RRAGD: variants seen among roughly 807,000 people sequenced by gnomAD.
RRAGD encodes the protein Ras related GTP binding D.
Under a neutral mutation model 35.5 loss-of-function variants are expected in RRAGD, and 12 were observed. The ratio of observed to expected loss-of-function variants is 0.34; its 90% confidence interval spans 0.22 to 0.55. The LOEUF (loss-of-function observed/expected upper bound fraction) is 0.55. RRAGD is among the 20% of genes least tolerant of loss of function. The pLI is 0.91. For synonymous variants in RRAGD, 155 were observed against 178.9 expected (o/e 0.87, Z 1.07); for missense variants, 324 against 490.1 (o/e 0.66, Z 3.20).
At position 89,411,773 on chromosome 6, in the gene RRAGD, C is replaced by A. The variant is rs1322067624; in HGVS notation, c.148+73G>T. On this transcript the variant is annotated intron_variant, in intron 1 of 6. Transcript: ENST00000369415. The surrounding 1 kb of genome is among the most constrained non-coding windows in gnomAD (Gnocchi z 5.6). ...CTCCAAGTCGGTGGCTCGCGCACGG[C>A]CGGGCTGGGGGCGGGAAGGCGCCAA... 2.7e-6 allele frequency: 4 copies of A among 1,473,176 alleles called. No homozygotes were observed. Among genetic ancestry groups the A allele is most frequent in the Admixed American group, 2.1e-5 (1 of 48,228 alleles). The allele number at this position is 1,473,176 out of a possible 1,614,324, so 91.3% of individuals were successfully genotyped here. A position where few individuals can be genotyped will look rare whatever the true frequency, so the allele number is the denominator to read the frequency against.
intron 6 of RRAGD, among the ~76,000 whole-genome samples, chr6:89,368,525 A>C (rs917237434): frequency 2.6e-5 from 4 of 152,212 alleles, no homozygotes; most frequent in Non-Finnish European, 4.4e-5. Flanking sequence ...TTTCAGAATT[A>C]AAGATTTCTT....
At chr6:89,377,630 A>T in intron 5 of RRAGD, 41 bp downstream of exon 5, 2 of 1,491,882 alleles carry the variant, frequency 1.3e-6, no homozygotes, top group Non-Finnish European at 1.8e-6. Flanking sequence ...GTTATGAAGG[A>T]AGGATGGCTT....
chr6:89,407,621 AAC>A (rs2127899609), intron 1 of RRAGD, among the ~76,000 whole-genome samples: 1 of 152,326 alleles, frequency 6.6e-6, no homozygotes, highest in East Asian at 1.9e-4. Flanking sequence ...CAGCCTGGGC[AAC>A]AGAGTGAGGC....
rs1768870123 is a variant in RRAGD at position 89,372,432 on chromosome 6, G to A, written c.1051+5C>T. ...TGCTTCTTTTAAATCACACCAAAAA[G>A]TTACCTTTTCTTTCAAAGCTTTCCT... On this transcript the variant is annotated splice_donor_5th_base_variant and intron_variant, in intron 6 of 6. Coordinates refer to ENST00000369415, the MANE Select transcript of RRAGD (RefSeq NM_021244.5). The A allele has an allele frequency of 6.2e-7, 1 of 1,609,236 alleles. No individual in the cohort carries two copies. The highest frequency in any genetic ancestry group is 8.5e-7 in the Non-Finnish European group (1 of 1,177,456).
At chr6:89,372,335 T>C in intron 6 of RRAGD, 102 bp downstream of exon 6, 1 of 1,285,358 alleles carries the variant, frequency 7.8e-7, no homozygotes, top group South Asian at 1.5e-5. Flanking sequence ...TCTGGAAGTT[T>C]CGAGGGCTAT....
In RRAGD at chr6:89,411,040, T is replaced by TC. The variant is rs1383541717; in HGVS notation, c.148+805dup. On this transcript the variant is annotated intron_variant, in intron 1 of 6. Coordinates refer to ENST00000369415, the MANE Select transcript of RRAGD (RefSeq NM_021244.5). The surrounding 1 kb of genome is among the most constrained non-coding windows in gnomAD (Gnocchi z 5.6). ...ACCTCTCTGGAATACTAAAAGGCTC[T>TC]CAACTTCCTTACACCTTAAGAAAAT... is the stretch of plus-strand genomic sequence containing the variant. 2.0e-5 allele frequency among the ~76,000 whole-genome samples: 3 copies of TC among 152,176 alleles called. No homozygotes were observed. Among genetic ancestry groups the TC allele is most frequent in the Non-Finnish European group, 4.4e-5 (3 of 68,030 alleles).
At chr6:89,374,896 C>T (rs149018494) in intron 5 of RRAGD, among the ~76,000 whole-genome samples, 1 of 152,188 alleles carries the variant, frequency 6.6e-6, no homozygotes, top group East Asian at 1.9e-4. Flanking sequence ...ACTGTTTTAA[C>T]TACTATATTT....
intron 1 of RRAGD, among the ~76,000 whole-genome samples, chr6:89,400,638 C>T (rs903444408): frequency 6.6e-6 from 1 of 151,882 alleles, no homozygotes; most frequent in Non-Finnish European, 1.5e-5. Flanking sequence ...CTGAGTTCCC[C>T]AAAGGGTCTC....
At chr6:89,405,479 T>G (rs1206406789) in intron 1 of RRAGD, among the ~76,000 whole-genome samples, 1 of 152,040 alleles carries the variant, frequency 6.6e-6, no homozygotes, top group Non-Finnish European at 1.5e-5. Flanking sequence ...ACTAGCTATG[T>G]GACCCCATAC....
chr6:89,388,907 C>T (rs1769182347), intron 1 of RRAGD, among the ~76,000 whole-genome samples: 1 of 152,192 alleles, frequency 6.6e-6, no homozygotes, highest in Admixed American at 6.5e-5. Context: ...CAACCTAAAT[C>T]CCTCACATGT....
Position 89,411,586 on chromosome 6 carries a change from G to A in RRAGD, c.148+260C>T, listed in dbSNP as rs566044650. ...GGCTCTGAAAGGGGCAGAAGCGCGCGCTCCTCCAGCCCAGACGCTTACTCC... is the reference window on the plus strand; with the variant it reads ...GGCTCTGAAAGGGGCAGAAGCGCGCACTCCTCCAGCCCAGACGCTTACTCC... On this transcript the variant is annotated intron_variant, in intron 1 of 6. Coordinates refer to ENST00000369415, the MANE Select transcript of RRAGD (RefSeq NM_021244.5). The surrounding 1 kb of genome is among the most constrained non-coding windows in gnomAD (Gnocchi z 5.6). 1.3e-4 allele frequency: 64 copies of A among 511,108 alleles called. No individual in the cohort carries two copies. Among genetic ancestry groups the A allele is most frequent in the Admixed American group, 7.5e-4 (21 of 28,186 alleles). The allele number at this position is 511,108 out of a possible 1,614,324, so 31.7% of individuals were successfully genotyped here. A position where few individuals can be genotyped will look rare whatever the true frequency, so the allele number is the denominator to read the frequency against.
chr6:89,378,936 A>ATT (rs11395340), intron 4 of RRAGD, among the ~76,000 whole-genome samples: 131 of 152,034 alleles, frequency 8.6e-4, no homozygotes, highest in African/African-American at 3.1e-3. Flanking sequence ...TAGTTTTTAC[A>ATT]TTTTTTTTGT....
intron 2 of RRAGD, among the ~76,000 whole-genome samples, chr6:89,382,509 A>G (rs1161881887): frequency 6.6e-6 from 1 of 151,466 alleles, no homozygotes; most frequent in Non-Finnish European, 1.5e-5. Flanking sequence ...CAGGAATTTG[A>G]GGTTACAATG....
At chr6:89,387,269 C>T (rs374173930) in intron 2 of RRAGD, 26 bp downstream of exon 2, 15 of 1,602,486 alleles carry the variant, frequency 9.4e-6, no homozygotes, top group Non-Finnish European at 2.6e-6. Context: ...GCCAGGCCAT[C>T]ATACCCCTGA....
At chr6:89,382,065 TC>T (rs1468733484) in intron 2 of RRAGD, among the ~76,000 whole-genome samples, 7 of 151,334 alleles carry the variant, frequency 4.6e-5, no homozygotes, top group African/African-American at 1.7e-4. Context: ...CTAAATGCCT[TC>T]CCCCTCTGCC....
chr6:89,379,784 C>A (rs1769011275), intron 3 of RRAGD, among the ~76,000 whole-genome samples: 1 of 152,128 alleles, frequency 6.6e-6, no homozygotes, highest in African/African-American at 2.4e-5. Flanking sequence ...ACATTGTTTT[C>A]CTTTGTGAGG....
chr6:89,373,553 C>T (rs1362148324), intron 5 of RRAGD, among the ~76,000 whole-genome samples: 2 of 148,510 alleles, frequency 1.3e-5, no homozygotes, highest in African/African-American at 2.5e-5. Context: ...AGGAGGCAGA[C>T]GTTGCCGTGA....
At chr6:89,405,842 G>A (rs137876518) in intron 1 of RRAGD, among the ~76,000 whole-genome samples, 52 of 152,188 alleles carry the variant, frequency 3.4e-4, no homozygotes, top group African/African-American at 1.2e-3. Context: ...TGAAGCTTAC[G>A]TTGATCAATG....
chr6:89,398,793 T>C (rs1769391131), intron 1 of RRAGD, among the ~76,000 whole-genome samples: 1 of 152,220 alleles, frequency 6.6e-6, no homozygotes, highest in South Asian at 2.1e-4. Flanking sequence ...GGTGGAGTGC[T>C]CACCTACAGC....
Sources: gnomAD v4.1 joint callset for allele counts (sites outside exome capture counted in the v4.1 genomes callset) on GRCh38, gnomAD v4.1.1 for gene constraint, Gnocchi (gnomAD v3.1) non-coding constraint, MANE v1.5 for transcripts, NCBI Gene and HGNC (gene_info 2026-07-23, HGNC 2026-07-21) for gene names.